Variants in CNGA3 observed in about 807,000 individuals in gnomAD.
CNGA3 encodes cyclic nucleotide gated channel subunit alpha 3, also known as cyclic nucleotide-gated channel alpha-3.
Under a neutral mutation model 46.6 loss-of-function variants are expected in CNGA3, and 42 were observed. The observed-to-expected ratio is 0.90, with a 90% CI of 0.70 to 1.17. The LOEUF (loss-of-function observed/expected upper bound fraction) is 1.17, where lower values mean the gene tolerates loss of function less well. Among genes scored for constraint, CNGA3 ranks in the 50% most tolerant of loss-of-function variants. The pLI is 0.00. For missense variants in CNGA3, 893 were observed against 890.7 expected (o/e 1.00, Z -0.03); for synonymous variants, 394 against 369.4 (o/e 1.07, Z -0.76).
chr2:98,359,072 A>G (rs1469945730), intron 1 of CNGA3, among the ~76,000 whole-genome samples: 1 of 152,206 alleles, frequency 6.6e-6, no homozygotes, highest in African/African-American at 2.4e-5. Context: ...TGGAGAGGGC[A>G]AAAGGGAAAG....
At chr2:98,362,346 A>C (rs1291486959) in intron 1 of CNGA3, among the ~76,000 whole-genome samples, 1 of 151,488 alleles carries the variant, frequency 6.6e-6, no homozygotes, top group Non-Finnish European at 1.5e-5. Context: ...CGCCCAGCTA[A>C]TTATTTGTAT....
chr2:98,349,245 G>A (rs193137887), intron 1 of CNGA3, among the ~76,000 whole-genome samples: 1 of 152,082 alleles, frequency 6.6e-6, no homozygotes, highest in Non-Finnish European at 1.5e-5. Context: ...GGTGAGCACT[G>A]TCTCTGCCAG....
chr2:98,389,033 T>C (rs116061102), intron 5 of CNGA3, among the ~76,000 whole-genome samples: 1 of 152,270 alleles, frequency 6.6e-6, no homozygotes, highest in African/African-American at 2.4e-5. Flanking sequence ...CTCTAAGCTA[T>C]GTATTTCATT....
intron 4 of CNGA3, among the ~76,000 whole-genome samples, chr2:98,382,552 G>A (rs1692563332): frequency 6.6e-6 from 1 of 152,208 alleles, no homozygotes; most frequent in African/African-American, 2.4e-5. Flanking sequence ...GGAGTCAGGT[G>A]GGGGTGTCGC....
chr2:98,366,682 T>A (rs555491082), intron 1 of CNGA3, among the ~76,000 whole-genome samples: 1 of 152,300 alleles, frequency 6.6e-6, no homozygotes, highest in South Asian at 2.1e-4. Context: ...CCACAGCCGC[T>A]ATGGTGCACT....
chr2:98,346,677 G>T (rs1289385255), intron 1 of CNGA3, 143 bp downstream of exon 1: 1 of 388,834 alleles, frequency 2.6e-6, no homozygotes, highest in Non-Finnish European at 4.5e-6. Context: ...CGGGCGCGGC[G>T]CTGTCCGCAG....
At chr2:98,369,857 C>CG in intron 1 of CNGA3, 82 bp from the exon 2 acceptor site, 1 of 850,192 alleles carries the variant, frequency 1.2e-6, no homozygotes. Flanking sequence ...GGGCCGCGTG[C>CG]GGTAGCCCTT....
intron 1 of CNGA3, among the ~76,000 whole-genome samples, chr2:98,359,192 T>C (rs1691964290): frequency 6.6e-6 from 1 of 152,126 alleles, no homozygotes; most frequent in African/African-American, 2.4e-5. Context: ...TCCTGAGGGA[T>C]GGAAGAGTAT....
intron 1 of CNGA3, among the ~76,000 whole-genome samples, chr2:98,357,862 T>A (rs1197187255): frequency 3.3e-5 from 5 of 152,342 alleles, no homozygotes; most frequent in Non-Finnish European, 5.9e-5. Flanking sequence ...GTTTTGAAAA[T>A]TAAAATTCCA....
chr2:98,392,585 A>AAAAG (rs1323507662), intron 7 of CNGA3, among the ~76,000 whole-genome samples: 2 of 150,848 alleles, frequency 1.3e-5, no homozygotes, highest in Admixed American at 1.3e-4. Context: ...AAAAGAAAAG[A>AAAAG]AAAGAAAAGA....
At chr2:98,375,395 C>T (rs1692382273) in intron 2 of CNGA3, among the ~76,000 whole-genome samples, 2 of 152,210 alleles carry the variant, frequency 1.3e-5, no homozygotes, top group African/African-American at 2.4e-5. Context: ...GTGACAGGGC[C>T]CCCGCCCAGC....
At chr2:98,394,458 A>G (rs374672786) in intron 7 of CNGA3, among the ~76,000 whole-genome samples, 1 of 152,222 alleles carries the variant, frequency 6.6e-6, no homozygotes, top group African/African-American at 2.4e-5. Context: ...TTGGGAGGCC[A>G]TGGCCTGTGT....
chr2:98,397,025 G>T lies in CNGA3; in HGVS notation c.1855G>T (p.Ala619Ser). The change falls in exon 8 of 8, where the codon GCG (alanine) becomes TCG (serine). Residue 619 changes from alanine (A) to serine (S), a missense_variant. Physicochemically the swap from Ala to Ser is moderately conservative, Grantham distance 99. Transcript: ENST00000272602. ...CCTGATCGATGAGGAGCTGGCCAGG[G>T]CGGGCGCGGACCCCAAGGACCTTGA... is the stretch of plus-strand genomic sequence containing the variant. Reference protein sequence around the residue: ...DNLIDEELARAGADPKDLEEK... With the variant: ...DNLIDEELARSGADPKDLEEK... 11 of 1,613,962 alleles carry T rather than the reference G, an allele frequency of 6.8e-6. No homozygotes were observed. Among genetic ancestry groups the T allele is most frequent in the Non-Finnish European group, 9.3e-6 (11 of 1,179,928 alleles).
At chr2:98,369,857 C>T (rs537720900) in intron 1 of CNGA3, 82 bp from the exon 2 acceptor site, 93 of 850,190 alleles carry the variant, frequency 1.1e-4, no homozygotes, top group East Asian at 6.3e-4. Flanking sequence ...GGGCCGCGTG[C>T]GGTAGCCCTT....
At chr2:98,353,298 T>C (rs1001089694) in intron 1 of CNGA3, among the ~76,000 whole-genome samples, 1 of 148,966 alleles carries the variant, frequency 6.7e-6, no homozygotes, top group Non-Finnish European at 1.5e-5. Context: ...CTTGTTATGG[T>C]AATATTAACA....
At chr2:98,353,142 C>A (rs1353180914) in intron 1 of CNGA3, among the ~76,000 whole-genome samples, 2 of 152,084 alleles carry the variant, frequency 1.3e-5, no homozygotes, top group African/African-American at 2.4e-5. Context: ...TGTCACATAT[C>A]TCCAAAATTT....
chr2:98,353,400 G>A (rs907316477), intron 1 of CNGA3, among the ~76,000 whole-genome samples: 19 of 152,038 alleles, frequency 1.2e-4, no homozygotes, highest in African/African-American at 4.3e-4. Context: ...AATATGAGAG[G>A]ACACTCAAGT....
chr2:98,358,450 G>T (rs936990129), intron 1 of CNGA3, among the ~76,000 whole-genome samples: 5 of 152,030 alleles, frequency 3.3e-5, no homozygotes, highest in Admixed American at 6.5e-5. Context: ...CCTTCTGATG[G>T]AAGAACAAAG....
intron 3 of CNGA3, chr2:98,378,107 G>A (rs1441340230): frequency 9.0e-6 from 14 of 1,550,822 alleles, no homozygotes; most frequent in East Asian, 2.4e-5. Flanking sequence ...GGTAAGAGCA[G>A]CCAGCCGTGG....
Sources: gnomAD v4.1 joint callset for allele counts (sites outside exome capture counted in the v4.1 genomes callset) on GRCh38, gnomAD v4.1.1 for gene constraint, MANE v1.5 for transcripts, NCBI Gene and HGNC (gene_info 2026-07-23, HGNC 2026-07-21) for gene names.